ANO10: variants seen among roughly 807,000 people sequenced by gnomAD.
The protein encoded by ANO10 is anoctamin-10.
Under a neutral mutation model 74.7 loss-of-function variants are expected in ANO10, and 77 were observed. The ratio of observed to expected loss-of-function variants is 1.03; its 90% CI spans 0.86 to 1.25. The LOEUF (loss-of-function observed/expected upper bound fraction) is 1.25, where lower values mean the gene tolerates loss of function less well. ANO10 is among the 50% of genes most tolerant of loss of function. The pLI is 0.00. For missense variants in ANO10, 721 were observed against 778.1 expected, an observed-to-expected ratio of 0.93 and a Z score of 0.87; for synonymous variants, 279 against 284.9, an observed-to-expected ratio of 0.98 and a Z score of 0.21.
At chr3:43,548,228 C>T (rs1410992851) in intron 11 of ANO10, among the ~76,000 whole-genome samples, 1 of 152,146 alleles carries the variant, frequency 6.6e-6, no homozygotes, top group African/African-American at 2.4e-5. Flanking sequence ...AGTATACTGG[C>T]AAAGACAAAT....
At chr3:43,507,946 G>C (rs1194846796) in intron 11 of ANO10, among the ~76,000 whole-genome samples, 1 of 151,932 alleles carries the variant, frequency 6.6e-6, no homozygotes, top group Non-Finnish European at 1.5e-5. Context: ...GTTTGTAAAA[G>C]GCAAGAGAAA....
chr3:43,366,689 G>A lies in ANO10; in HGVS notation c.*217C>T. The A allele has an allele frequency of 1.6e-6, 1 of 614,050 alleles. No homozygotes were observed. The highest frequency in any genetic ancestry group is 2.9e-6 in the Non-Finnish European group (1 of 342,316). 38.0% of individuals were successfully genotyped at this position (614,050 alleles called of 1,614,324 possible). A position where few individuals can be genotyped will look rare whatever the true frequency, so the allele number is the denominator to read the frequency against. Reference sequence around the variant, plus strand: ...GGGCCCGGGAAGGAACTGGGAAGGAGCAGACAGGGTGGGGCTGGGGGAACT... The same window carrying A: ...GGGCCCGGGAAGGAACTGGGAAGGAACAGACAGGGTGGGGCTGGGGGAACT... On this transcript the variant is annotated 3_prime_UTR_variant, in exon 13 of 13. Transcript: ENST00000292246.
chr3:43,493,534 G>A (rs2076807481), intron 11 of ANO10, among the ~76,000 whole-genome samples: 1 of 151,520 alleles, frequency 6.6e-6, no homozygotes, highest in Non-Finnish European at 1.5e-5. Context: ...AACTAAACAG[G>A]CTACCACATT....
intron 11 of ANO10, among the ~76,000 whole-genome samples, chr3:43,507,693 A>G (rs1371110120): frequency 6.6e-6 from 1 of 152,118 alleles, no homozygotes; most frequent in African/African-American, 2.4e-5. Flanking sequence ...GGATGAGGGT[A>G]GCCTTTTCTT....
In ANO10 at chr3:43,484,941, T is replaced by C. The variant is rs551113665; in HGVS notation, c.1798-52214A>G. 9 of 908,146 alleles carry C rather than the reference T, an allele frequency of 9.9e-6. No individual in the cohort carries two copies. The African/African-American group carries it at 1.5e-4, about 15-fold the overall frequency. 56.3% of individuals were successfully genotyped at this position (908,146 alleles called of 1,614,324 possible). On this transcript the variant is annotated intron_variant, in intron 11 of 12. Coordinates refer to ENST00000292246, the MANE Select transcript of ANO10 (RefSeq NM_018075.5). ...TTTCACCGGGGCGTTCCTGAGTTTA[T>C]TTGGGGCCCACCCAGGCAAGGGCCC...
intron 11 of ANO10, among the ~76,000 whole-genome samples, chr3:43,460,922 T>C (rs1278131181): frequency 1.3e-5 from 2 of 149,508 alleles, no homozygotes; most frequent in African/African-American, 2.5e-5. Flanking sequence ...ATTGTCAAAA[T>C]GAAAACTTCA....
At chr3:43,571,870 A>C (rs2080746124) in intron 7 of ANO10, among the ~76,000 whole-genome samples, 1 of 151,924 alleles carries the variant, frequency 6.6e-6, no homozygotes, top group Non-Finnish European at 1.5e-5. Flanking sequence ...ATTAAAAAAA[A>C]AAAAAAAAGA....
At chr3:43,453,678 G>A (rs866590865) in intron 11 of ANO10, among the ~76,000 whole-genome samples, 30 of 152,114 alleles carry the variant, frequency 2.0e-4, no homozygotes, top group Middle Eastern at 3.2e-3. Context: ...GTTTGCATAT[G>A]GCTATCCAGT....
intron 11 of ANO10, among the ~76,000 whole-genome samples, chr3:43,528,991 C>T (rs769893338): frequency 4.6e-5 from 7 of 152,012 alleles, no homozygotes; most frequent in Non-Finnish European, 5.9e-5. Context: ...CAAAAAAACC[C>T]TGTAATTTAA....
At chr3:43,431,074 T>G (rs2092972570) in intron 12 of ANO10, among the ~76,000 whole-genome samples, 1 of 149,044 alleles carries the variant, frequency 6.7e-6, no homozygotes, top group South Asian at 2.1e-4. Flanking sequence ...CTAATTTTCT[T>G]TTCTTTTTTT....
chr3:43,627,575 G>A (rs2083504252), intron 1 of ANO10, among the ~76,000 whole-genome samples: 1 of 152,232 alleles, frequency 6.6e-6, no homozygotes, highest in Non-Finnish European at 1.5e-5. Flanking sequence ...TTCCTATTCA[G>A]GGGAGGTGTC....
At chr3:43,519,523 C>T (rs1444100057) in intron 11 of ANO10, among the ~76,000 whole-genome samples, 2 of 152,192 alleles carry the variant, frequency 1.3e-5, no homozygotes, top group Non-Finnish European at 2.9e-5. Context: ...TTCTGATGTC[C>T]ATTCCAGAGG....
At chr3:43,622,862 G>GA (rs1386135602), upstream of ANO10, among the ~76,000 whole-genome samples, 4 of 151,974 alleles carry the variant, frequency 2.6e-5, no homozygotes, top group African/African-American at 4.8e-5. Flanking sequence ...CACACTTTTT[G>GA]ACTTTTTGTT....
chr3:43,628,815 C>T (rs759361839), intron 1 of ANO10, among the ~76,000 whole-genome samples: 1 of 152,116 alleles, frequency 6.6e-6, no homozygotes, highest in Non-Finnish European at 1.5e-5. Flanking sequence ...GAAATTCCCA[C>T]CTAATAAATT....
At chr3:43,643,683 C>CTTTTTTT (rs61487906) in intron 1 of ANO10, among the ~76,000 whole-genome samples, 1 of 104,722 alleles carries the variant, frequency 9.5e-6, no homozygotes, top group Non-Finnish European at 1.9e-5. Context: ...CTCATCTTTT[C>CTTTTTTT]TTTTTTTTTT....
At chr3:43,503,950 A>G (rs960611433) in intron 11 of ANO10, among the ~76,000 whole-genome samples, 1 of 152,096 alleles carries the variant, frequency 6.6e-6, no homozygotes, top group Non-Finnish European at 1.5e-5. Context: ...GTCTTGTTAT[A>G]TAACACCTTG....
At chr3:43,575,013 C>G (rs1187008000) in intron 6 of ANO10, 149 bp from the exon 7 acceptor site, 1 of 697,646 alleles carries the variant, frequency 1.4e-6, no homozygotes, top group East Asian at 2.7e-5. Flanking sequence ...CACAGCTATG[C>G]CTTACCACCA....
At chr3:43,425,353 C>A (rs1347302797) in intron 12 of ANO10, among the ~76,000 whole-genome samples, 1 of 151,536 alleles carries the variant, frequency 6.6e-6, no homozygotes, top group African/African-American at 2.4e-5. Context: ...CTTGAGAGCA[C>A]AAATGGAGCG....
intron 1 of ANO10, among the ~76,000 whole-genome samples, chr3:43,671,932 T>C (rs1257933211): frequency 6.6e-6 from 1 of 152,184 alleles, no homozygotes; most frequent in African/African-American, 2.4e-5. Flanking sequence ...AGCTATTACA[T>C]ACATTCATCA....
Sources: gnomAD v4.1 joint callset for allele counts (sites outside exome capture counted in the v4.1 genomes callset) on GRCh38, gnomAD v4.1.1 for gene constraint, MANE v1.5 for transcripts, NCBI Gene and HGNC (gene_info 2026-07-23, HGNC 2026-07-21) for gene names.